ABCA13: variants seen among roughly 807,000 people sequenced by gnomAD.
ABCA13 encodes ATP-binding cassette sub-family A member 13.
In ABCA13, 476 loss-of-function variants were observed where a neutral mutation model predicts 478.7. The ratio of observed to expected loss-of-function variants is 0.99; its 90% confidence interval spans 0.92 to 1.07. The LOEUF (loss-of-function observed/expected upper bound fraction) is 1.07. Ranked by LOEUF, ABCA13 falls within the 50% of genes least tolerant of loss-of-function variation. The pLI is 0.00. For missense variants in ABCA13, 6,060 were observed against 5,910.6 expected, an observed-to-expected ratio of 1.03 and a Z score of -0.83; for synonymous variants, 2,252 against 2,158.9, an observed-to-expected ratio of 1.04 and a Z score of -1.20.
At chr7:48,522,339 A>G (rs894189412) in intron 53 of ABCA13, among the ~76,000 whole-genome samples, 2 of 151,884 alleles carry the variant, frequency 1.3e-5, no homozygotes, top group Admixed American at 6.6e-5. Context: ...CAGCTGTCCC[A>G]CTGTCCTGCT....
intron 1 of ABCA13, among the ~76,000 whole-genome samples, chr7:48,188,017 C>T (rs1189033990): frequency 1.3e-5 from 2 of 151,896 alleles, no homozygotes; most frequent in African/African-American, 4.8e-5. Flanking sequence ...GTTCTTGACT[C>T]TCTTTTCAAT....
intron 55 of ABCA13, among the ~76,000 whole-genome samples, chr7:48,568,331 T>C (rs1039033710): frequency 1.3e-5 from 2 of 152,152 alleles, no homozygotes; most frequent in Non-Finnish European, 2.9e-5. Context: ...TATTGAATTT[T>C]GTCAAATTCT....
At chr7:48,538,532 C>G (rs557389495) in intron 55 of ABCA13, among the ~76,000 whole-genome samples, 1 of 152,286 alleles carries the variant, frequency 6.6e-6, no homozygotes, top group African/African-American at 2.4e-5. Flanking sequence ...GTACCTACCT[C>G]AAGAAACAGA....
At position 48,412,451 on chromosome 7, in the gene ABCA13, A is replaced by G; in HGVS notation, c.12327A>G (p.Gly4109=). 1 of 1,613,302 alleles carries G rather than the reference A, an allele frequency of 6.2e-7. No individual in the cohort carries two copies. The highest frequency in any genetic ancestry group is 8.5e-7 in the Non-Finnish European group (1 of 1,179,758). ...AAGCATTTCTCAAAGACAGCAGTGGAAGTGAGCTGACCTACACCATTCCAA... is the reference window on the plus strand; with the variant it reads ...AAGCATTTCTCAAAGACAGCAGTGGGAGTGAGCTGACCTACACCATTCCAA... ...IPQAFLKDSS[G]SELTYTIPKD... The change falls in exon 41 of 62, where the codon GGA becomes GGG. Residue 4109 remains glycine, a synonymous_variant. Transcript: ENST00000435803.
At chr7:48,587,321 G>A in intron 57 of ABCA13, 33 bp downstream of exon 57, 2 of 1,563,922 alleles carry the variant, frequency 1.3e-6, no homozygotes, top group Non-Finnish European at 1.7e-6. Context: ...CTTGGAGTAA[G>A]ATACATATTG....
intron 28 of ABCA13, among the ~76,000 whole-genome samples, chr7:48,338,116 G>GT (rs1450162284): frequency 6.6e-6 from 1 of 152,078 alleles, no homozygotes; most frequent in East Asian, 1.9e-4. Flanking sequence ...TTCATTCTTT[G>GT]TTTTTAGTAT....
At position 48,229,975 on chromosome 7, in the gene ABCA13, A is replaced by T; in HGVS notation, c.763+20A>T. On this transcript the variant is annotated intron_variant, in intron 7 of 61. Coordinates refer to ENST00000435803, the MANE Select transcript of ABCA13 (RefSeq NM_152701.5). ...TCACCGGTATGGGTGCCTTGTAGCTATTGCTATATTTCAAAACGTTTAACT... is the reference window on the plus strand; with the variant it reads ...TCACCGGTATGGGTGCCTTGTAGCTTTTGCTATATTTCAAAACGTTTAACT... The T allele has an allele frequency of 6.2e-7, 1 of 1,608,300 alleles. No individual in the cohort carries two copies. The highest frequency in any genetic ancestry group is 8.5e-7 in the Non-Finnish European group (1 of 1,176,590).
Position 48,273,253 on chromosome 7 carries a change from G to C in ABCA13, c.3587G>C (p.Cys1196Ser), listed in dbSNP as rs772759938. The C allele has an allele frequency of 6.8e-6, 11 of 1,613,522 alleles. No individual in the cohort carries two copies. The highest frequency in any genetic ancestry group is 2.2e-5 in the South Asian group (2 of 91,078). ...GATGATGTGAAAGTCTCTAAAAGCTGCCAGGGTATACTTCCCACCCATAAT... is the reference window on the plus strand; with the variant it reads ...GATGATGTGAAAGTCTCTAAAAGCTCCCAGGGTATACTTCCCACCCATAAT... ...LEDDVKVSKSCQGILPTHNVA... is the reference protein window; with the variant it reads ...LEDDVKVSKSSQGILPTHNVA... The change falls in exon 17 of 62, where the codon TGC becomes TCC. Residue 1196 changes from cysteine to serine, a missense_variant. Coordinates refer to ENST00000435803, the MANE Select transcript of ABCA13 (RefSeq NM_152701.5).
chr7:48,321,450 G>A (rs557474077), intron 27 of ABCA13, among the ~76,000 whole-genome samples: 2 of 152,338 alleles, frequency 1.3e-5, no homozygotes, highest in South Asian at 2.1e-4. Context: ...GCTGTGGGAT[G>A]ATGGAGGAGC....
chr7:48,271,641 A>G, intron 16 of ABCA13, 146 bp from the exon 17 acceptor site: 1 of 483,084 alleles, frequency 2.1e-6, no homozygotes, highest in East Asian at 3.7e-5. Flanking sequence ...AAATCCTCAC[A>G]TTAGTTTAAT....
rs915203734 is a variant in ABCA13 at position 48,376,571 on chromosome 7, T to C, written c.11334T>C (p.Pro3778=). Residue 3778 remains proline, a splice_region_variant and synonymous_variant, in exon 35 of 62, where the codon CCT becomes CCC. Coordinates refer to ENST00000435803, the MANE Select transcript of ABCA13 (RefSeq NM_152701.5). The part of the protein sequence containing the change: ...LCGWYLSNLI[P]GTFGLRKPWY... ...GATGGTACTTGAGCAACTTGATTCC[T>C]GGTAAGAATTTTGCCTTTTGTAAGA... The C allele has an allele frequency of 6.2e-7, 1 of 1,613,456 alleles. No homozygotes were observed. Among genetic ancestry groups the C allele is most frequent in the Non-Finnish European group, 8.5e-7 (1 of 1,179,710 alleles).
rs1308301425 is a variant in ABCA13, at chr7:48,279,592, G to A, written c.8398G>A (p.Asp2800Asn). ...TGATTTGAATAAAAGTTTATATTTTGACACACCTTTGAGTCAGAATATAAC... is the reference window on the plus strand; with the variant it reads ...TGATTTGAATAAAAGTTTATATTTTAACACACCTTTGAGTCAGAATATAAC... The part of the protein sequence containing the change: ...EGDLNKSLYF[D>N]TPLSQNITHH... Residue 2800 changes from aspartate to asparagine, a missense_variant, in exon 18 of 62, where the codon GAC becomes AAC. By Grantham distance (23) the Asp-to-Asn change is conservative. This residue lies in a region of ABCA13 where 4,423 missense variants were observed against 4,309.1 expected (regional missense o/e 1.03). Transcript: ENST00000435803. 2 of 1,612,982 alleles carry A rather than the reference G, an allele frequency of 1.2e-6. No individual in the cohort carries two copies. The highest frequency in any genetic ancestry group is 1.7e-6 in the Non-Finnish European group (2 of 1,179,524).
intron 51 of ABCA13, among the ~76,000 whole-genome samples, chr7:48,515,993 T>C (rs961976034): frequency 4.6e-5 from 7 of 152,128 alleles, no homozygotes; most frequent in African/African-American, 1.7e-4. Context: ...GTGTGTGTTG[T>C]GACCCCATCC....
chr7:48,296,240 C>CA (rs1385084970), intron 21 of ABCA13, among the ~76,000 whole-genome samples: 1 of 151,858 alleles, frequency 6.6e-6, no homozygotes, highest in African/African-American at 2.4e-5. Context: ...ATAAAAGCAA[C>CA]AACAAAAAAA....
At chr7:48,550,651 C>T (rs1293425744) in intron 55 of ABCA13, among the ~76,000 whole-genome samples, 1 of 151,712 alleles carries the variant, frequency 6.6e-6, no homozygotes, top group Non-Finnish European at 1.5e-5. Context: ...ATGCCACTGG[C>T]TGAATAATAC....
intron 5 of ABCA13, among the ~76,000 whole-genome samples, chr7:48,226,820 T>C (rs996712536): frequency 1.3e-4 from 20 of 152,334 alleles, no homozygotes; most frequent in African/African-American, 4.8e-4. Flanking sequence ...TGCCTTCTGA[T>C]CAAGCCATCA....
In ABCA13 at chr7:48,187,553, A is replaced by AT. The variant is rs575700383; in HGVS notation, c.70-5405dup. Among the ~76,000 whole-genome samples, 9 of 152,024 alleles carry AT rather than the reference A, an allele frequency of 5.9e-5. 1 individual carries two copies. In the South Asian group the frequency reaches 1.9e-3, roughly 32 times the overall value. ...GTTGTATAGTCTTTGTTTTTCAAATATATTAGCTTTTGCGTCTTAATATTT... is the reference window on the plus strand; with the variant it reads ...GTTGTATAGTCTTTGTTTTTCAAATATTATTAGCTTTTGCGTCTTAATATTT... On this transcript the variant is annotated intron_variant, in intron 1 of 61. Coordinates refer to ENST00000435803, the MANE Select transcript of ABCA13 (RefSeq NM_152701.5).
In ABCA13 at chr7:48,475,121, G is replaced by A. The variant is rs118132145; in HGVS notation, c.12975+3522G>A. 2.7e-3 allele frequency among the ~76,000 whole-genome samples: 408 copies of A among 152,310 alleles called. 1 individual carries two copies. Among genetic ancestry groups the A allele is most frequent in the Non-Finnish European group, 2.8e-3 (190 of 68,024 alleles). ...ATTTTCTGCAAATTTGACTGCAAGA[G>A]TCCTTCCCTTTTGTGGCAGCAGTGT... is the stretch of plus-strand genomic sequence containing the variant. On this transcript the variant is annotated intron_variant, in intron 45 of 61. Transcript: ENST00000435803.
intron 31 of ABCA13, among the ~76,000 whole-genome samples, chr7:48,354,949 A>G (rs1039573791): frequency 1.3e-5 from 2 of 152,068 alleles, no homozygotes; most frequent in Non-Finnish European, 2.9e-5. Context: ...CATATTCATT[A>G]ATTTATGAAT....
Sources: allele counts gnomAD v4.1 joint callset (sites outside exome capture counted in the v4.1 genomes callset), GRCh38; gene constraint gnomAD v4.1.1; regional missense constraint gnomAD v4.1.1; transcripts MANE v1.5; gene names NCBI Gene and HGNC (gene_info 2026-07-23, HGNC 2026-07-21).